Variants in ARNT2 observed in about 807,000 individuals in gnomAD.
ARNT2 encodes the protein aryl hydrocarbon receptor nuclear translocator 2.
ARNT2 carries 36 observed loss-of-function variants against 91.7 expected under a neutral mutation model. The ratio of observed to expected loss-of-function variants is 0.39; its 90% CI spans 0.30 to 0.52. The LOEUF is 0.52. Ranked by LOEUF, ARNT2 falls within the 20% of genes least tolerant of loss-of-function variation. The pLI is 0.72. For synonymous variants in ARNT2, 365 were observed against 347.1 expected, an observed-to-expected ratio of 1.05 and a Z score of -0.57; for missense variants, 775 against 939.3, an observed-to-expected ratio of 0.83 and a Z score of 2.29.
At chr15:80,503,466 G>A (rs1291869936) in intron 5 of ARNT2, among the ~76,000 whole-genome samples, 1 of 152,194 alleles carries the variant, frequency 6.6e-6, no homozygotes, top group African/African-American at 2.4e-5. Context: ...GTCTCTCAAG[G>A]TCATGACAAC....
intron 1 of ARNT2, among the ~76,000 whole-genome samples, chr15:80,450,568 C>T (rs1225304650): frequency 1.3e-5 from 2 of 152,254 alleles, no homozygotes; most frequent in African/African-American, 2.4e-5. Flanking sequence ...TCTTACCTGC[C>T]TCCAGGTGGT....
At chr15:80,471,399 G>C (rs921278463) in intron 4 of ARNT2, among the ~76,000 whole-genome samples, 2 of 152,194 alleles carry the variant, frequency 1.3e-5, no homozygotes, top group African/African-American at 4.8e-5. Context: ...TGGGAGGAGG[G>C]AGAGGATCAG....
At chr15:80,447,405 A>G (rs1896322433) in intron 1 of ARNT2, among the ~76,000 whole-genome samples, 1 of 152,210 alleles carries the variant, frequency 6.6e-6, no homozygotes, top group Non-Finnish European at 1.5e-5. Flanking sequence ...TCCTCCCTAT[A>G]CAGTGCAGTG....
At chr15:80,496,641 C>T (rs1014291937) in intron 5 of ARNT2, among the ~76,000 whole-genome samples, 1 of 152,094 alleles carries the variant, frequency 6.6e-6, no homozygotes, top group Non-Finnish European at 1.5e-5. Context: ...GATAAGTGGC[C>T]CAGGTTACTA....
chr15:80,461,442 G>C (rs1479307799), intron 3 of ARNT2, among the ~76,000 whole-genome samples: 2 of 152,226 alleles, frequency 1.3e-5, no homozygotes, highest in African/African-American at 4.8e-5. Flanking sequence ...AGGAGGCCGG[G>C]GACGGGAAGT....
At chr15:80,441,466 T>C in intron 1 of ARNT2, 1 of 900,018 alleles carries the variant, frequency 1.1e-6, no homozygotes, top group Non-Finnish European at 1.3e-6. Flanking sequence ...CTTTGGTTAG[T>C]TGCCTGCCCT....
At chr15:80,553,753 T>G (rs1898126567) in intron 10 of ARNT2, among the ~76,000 whole-genome samples, 1 of 151,422 alleles carries the variant, frequency 6.6e-6, no homozygotes, top group Non-Finnish European at 1.5e-5. Context: ...AAAGAAAAAA[T>G]ATTTATTCTG....
chr15:80,439,595 G>A (rs1482156645), intron 1 of ARNT2, among the ~76,000 whole-genome samples: 1 of 152,164 alleles, frequency 6.6e-6, no homozygotes, highest in African/African-American at 2.4e-5. Context: ...ATTTTTATCT[G>A]GGAGTATTCC....
At chr15:80,429,656 G>A (rs1046248453) in intron 1 of ARNT2, among the ~76,000 whole-genome samples, 6 of 152,204 alleles carry the variant, frequency 3.9e-5, no homozygotes, top group Admixed American at 1.3e-4. Flanking sequence ...AAGTGTAGGA[G>A]GCTCGGACGT....
rs964539741 is a variant in ARNT2, at chr15:80,594,671, T to C, written c.*973T>C. The C allele has an allele frequency of 6.6e-6, 1 of 152,406 alleles. No individual in the cohort carries two copies. The highest frequency in any genetic ancestry group is 1.5e-5 in the Non-Finnish European group (1 of 68,198). 9.4% of individuals were successfully genotyped at this position (152,406 alleles called of 1,614,324 possible). A position where few individuals can be genotyped will look rare whatever the true frequency, so the allele number is the denominator to read the frequency against. On this transcript the variant is annotated 3_prime_UTR_variant, in exon 19 of 19. Coordinates refer to ENST00000303329, the MANE Select transcript of ARNT2 (RefSeq NM_014862.4). Reference sequence around the variant, plus strand: ...CTGTGTTCCTGATCCCACATAAGCATGTCTCATCCTTGCCCCACTGGTGAG... The same window carrying C: ...CTGTGTTCCTGATCCCACATAAGCACGTCTCATCCTTGCCCCACTGGTGAG...
intron 5 of ARNT2, among the ~76,000 whole-genome samples, chr15:80,506,299 G>A (rs1393245024): frequency 6.6e-6 from 1 of 152,242 alleles, no homozygotes; most frequent in Non-Finnish European, 1.5e-5. Context: ...AGAGGTGCAG[G>A]CACCACTGCA....
chr15:80,460,094 T>C (rs1404837764), intron 3 of ARNT2, among the ~76,000 whole-genome samples: 1 of 152,190 alleles, frequency 6.6e-6, no homozygotes, highest in Non-Finnish European at 1.5e-5. Context: ...CAGAAGCCCC[T>C]TCATGTGAGG....
chr15:80,588,902 T>G (rs1893223831), intron 17 of ARNT2, among the ~76,000 whole-genome samples: 1 of 152,220 alleles, frequency 6.6e-6, no homozygotes, highest in Non-Finnish European at 1.5e-5. Context: ...CCATGCTATA[T>G]GCTTGTTGAG....
intron 15 of ARNT2, among the ~76,000 whole-genome samples, chr15:80,577,864 G>C (rs1378173387): frequency 6.6e-6 from 1 of 152,236 alleles, no homozygotes; most frequent in Non-Finnish European, 1.5e-5. Context: ...GCTGAGTCTT[G>C]CTGAATTGCA....
chr15:80,479,489 G>A (rs773678789), intron 5 of ARNT2, among the ~76,000 whole-genome samples: 11 of 152,190 alleles, frequency 7.2e-5, no homozygotes, highest in Non-Finnish European at 1.5e-4. Context: ...GAAAAGTGCT[G>A]GAAAGGGAGT....
chr15:80,468,892 C>A (rs1053559917), intron 3 of ARNT2, among the ~76,000 whole-genome samples: 2 of 152,314 alleles, frequency 1.3e-5, no homozygotes, highest in East Asian at 3.9e-4. Flanking sequence ...CACTTCCCCT[C>A]GGTCTGTGTG....
chr15:80,428,559 G>A lies in ARNT2; in HGVS notation c.32-22321G>A, dbSNP rs1444700807. ...CTCAGTTGATAAATGTAGAAACTGC[G>A]TCCGAAGGAGGGCCAAGATCACAAG... On this transcript the variant is annotated intron_variant, in intron 1 of 18. Coordinates refer to ENST00000303329, the MANE Select transcript of ARNT2 (RefSeq NM_014862.4). 7.9e-5 allele frequency among the ~76,000 whole-genome samples: 12 copies of A among 152,210 alleles called. No individual in the cohort carries two copies. The South Asian group carries it at 1.4e-3, about 18-fold the overall frequency.
chr15:80,436,343 C>T (rs1026842729), intron 1 of ARNT2: 5 of 154,416 alleles, frequency 3.2e-5, no homozygotes, highest in Non-Finnish European at 7.3e-5. Flanking sequence ...TTCCATACGA[C>T]AAATGAATAG....
intron 8 of ARNT2, among the ~76,000 whole-genome samples, chr15:80,550,665 T>C (rs1410062334): frequency 1.3e-5 from 2 of 152,224 alleles, no homozygotes; most frequent in African/African-American, 2.4e-5. Flanking sequence ...TTTCAGTGCT[T>C]AGCATAACCA....
Sources: allele counts gnomAD v4.1 joint callset (sites outside exome capture counted in the v4.1 genomes callset), GRCh38; gene constraint gnomAD v4.1.1; transcripts MANE v1.5; gene names NCBI Gene and HGNC (gene_info 2026-07-23, HGNC 2026-07-21).